The following TMOD3 variants were observed in gnomAD, a reference collection of about 807,000 sequenced individuals.
The protein encoded by TMOD3 is tropomodulin-3.
TMOD3 carries 20 observed loss-of-function variants against 39.2 expected under a neutral mutation model. The observed-to-expected ratio is 0.51, with a 90% confidence interval of 0.36 to 0.74. The LOEUF (loss-of-function observed/expected upper bound fraction) is 0.74, where lower values mean the gene tolerates loss of function less well. Among genes scored for constraint, TMOD3 ranks in the 30% least tolerant of loss-of-function variants. The pLI is 0.00. For missense variants in TMOD3, 381 were observed against 412.8 expected (o/e 0.92, Z 0.67); for synonymous variants, 143 against 145.8 (o/e 0.98, Z 0.14).
At chr15:51,861,023 C>A in intron 1 of TMOD3, 1 of 705,632 alleles carries the variant, frequency 1.4e-6, no homozygotes, top group South Asian at 1.4e-5. Context: ...CACCTTGTAC[C>A]TGGTGTACAA....
chr15:51,865,959 C>A (rs1256731308), intron 2 of TMOD3, among the ~76,000 whole-genome samples: 2 of 151,658 alleles, frequency 1.3e-5, no homozygotes, highest in African/African-American at 2.4e-5. Flanking sequence ...TTTTTCCCCC[C>A]CAAGGCTAGG....
chr15:51,833,950 T>C (rs1188384384), intron 1 of TMOD3, among the ~76,000 whole-genome samples: 5 of 152,250 alleles, frequency 3.3e-5, no homozygotes, highest in Non-Finnish European at 4.4e-5. Context: ...ATGTTTAGTA[T>C]TGTCAGCCTT....
At position 51,863,020 on chromosome 15, in the gene TMOD3, A is replaced by G. The variant is rs780304328; in HGVS notation, c.126+10A>G. 8 of 1,602,792 alleles carry G rather than the reference A, an allele frequency of 5.0e-6. No homozygotes were observed. The highest frequency in any genetic ancestry group is 2.2e-5 in the East Asian group (1 of 44,646). ...TGATCTTGACCCCGAGGTAGGTGCTAGGTGATGAAGAGAAATGAAATAACT... is the reference window on the plus strand; with the variant it reads ...TGATCTTGACCCCGAGGTAGGTGCTGGGTGATGAAGAGAAATGAAATAACT... On this transcript the variant is annotated intron_variant, in intron 2 of 9. Transcript: ENST00000308580.
At chr15:51,906,716 G>A (rs913573573) in intron 9 of TMOD3, among the ~76,000 whole-genome samples, 1 of 152,102 alleles carries the variant, frequency 6.6e-6, no homozygotes, top group Non-Finnish European at 1.5e-5. Context: ...TCGTTGAAAT[G>A]TTCTACCCTA....
intron 3 of TMOD3, among the ~76,000 whole-genome samples, chr15:51,870,759 A>T (rs2056470921): frequency 6.6e-6 from 1 of 152,146 alleles, no homozygotes; most frequent in African/African-American, 2.4e-5. Flanking sequence ...TTGTTATTTA[A>T]GTTAGTCAGG....
At chr15:51,855,579 C>G (rs1355987494) in intron 1 of TMOD3, among the ~76,000 whole-genome samples, 1 of 152,216 alleles carries the variant, frequency 6.6e-6, no homozygotes. Context: ...AAAACCAATT[C>G]CCATATTCTT....
At chr15:51,879,773 A>G (rs1040970984) in intron 3 of TMOD3, among the ~76,000 whole-genome samples, 2 of 151,958 alleles carry the variant, frequency 1.3e-5, no homozygotes, top group African/African-American at 4.8e-5. Flanking sequence ...AGGAACACTG[A>G]CAGAGATACT....
rs187160007 is a variant in TMOD3, at chr15:51,886,066, C to T, written c.284-1523C>T. ...GCGGAGGGGCTCCTCACTTCTCAGA[C>T]GGGGCGGCCGGGCAGAGACTCTCCT... On this transcript the variant is annotated intron_variant, in intron 3 of 9. Transcript: ENST00000308580. Among the ~76,000 whole-genome samples the T allele has an allele frequency of 7.9e-3, 1,169 of 147,396 alleles. 18 individuals are homozygous for T. The highest frequency in any genetic ancestry group is 0.028 in the African/African-American group (1,125 of 39,480).
intron 9 of TMOD3, among the ~76,000 whole-genome samples, chr15:51,902,644 ATTTTTTTTTTTTT>A (rs200954393): frequency 0.053 from 5,018 of 95,158 alleles, 404 homozygotes; most frequent in African/African-American, 0.2. Flanking sequence ...TAATTTTTGT[ATTTTTTTTTTTTT>A]TTTTTTTTTT....
chr15:51,901,966 T>G lies in TMOD3; in HGVS notation c.954T>G (p.Phe318Leu). The change falls in exon 9 of 10, where the codon TTT becomes TTG. Residue 318 changes from phenylalanine (F) to leucine (L), a missense_variant. Phe to Leu is a conservative substitution (Grantham distance 22). Coordinates refer to ENST00000308580, the MANE Select transcript of TMOD3 (RefSeq NM_014547.5). ...AGGAAAATACAAATATCCTTAAATT[T>G]GGATATCAGTTTACACAGCAGGGAC... ...MLEENTNILK[F>L]GYQFTQQGPR... The G allele has an allele frequency of 6.2e-7, 1 of 1,614,140 alleles. No individual in the cohort carries two copies.
rs2056696860 is a variant in TMOD3, at chr15:51,908,973, G to A, written c.*163G>A. ...GTTATCAAATTGTAAAATCAGTAATGTGATATTTTATATTCTGAAACATTT... is the reference window on the plus strand; with the variant it reads ...GTTATCAAATTGTAAAATCAGTAATATGATATTTTATATTCTGAAACATTT... On this transcript the variant is annotated 3_prime_UTR_variant, in exon 10 of 10. Coordinates refer to ENST00000308580, the MANE Select transcript of TMOD3 (RefSeq NM_014547.5). The A allele has an allele frequency of 6.7e-6, 3 of 445,662 alleles. No individual in the cohort carries two copies. Among genetic ancestry groups the A allele is most frequent in the African/African-American group, 2.0e-5 (1 of 49,242 alleles). 27.6% of individuals were successfully genotyped at this position (445,662 alleles called of 1,614,324 possible).
At chr15:51,856,146 C>T (rs2056386689) in intron 1 of TMOD3, among the ~76,000 whole-genome samples, 2 of 152,086 alleles carry the variant, frequency 1.3e-5, no homozygotes, top group Admixed American at 6.6e-5. Flanking sequence ...GCCTGCATTC[C>T]CAGCTACCTG....
At chr15:51,879,358 T>C (rs1235237887) in intron 3 of TMOD3, among the ~76,000 whole-genome samples, 4 of 152,066 alleles carry the variant, frequency 2.6e-5, no homozygotes, top group African/African-American at 2.4e-5. Flanking sequence ...CTGAGAGTTT[T>C]TTTTTTCTGA....
intron 1 of TMOD3, among the ~76,000 whole-genome samples, chr15:51,840,830 T>C (rs1467021907): frequency 6.6e-6 from 1 of 152,228 alleles, no homozygotes; most frequent in East Asian, 1.9e-4. Context: ...TCCCACACTT[T>C]TGTGTTTTGG....
chr15:51,841,395 T>G (rs1373479550), intron 1 of TMOD3, among the ~76,000 whole-genome samples: 1 of 152,206 alleles, frequency 6.6e-6, no homozygotes, highest in African/African-American at 2.4e-5. Context: ...GAACTCCTGT[T>G]TTGGGTCCTT....
intron 3 of TMOD3, among the ~76,000 whole-genome samples, chr15:51,881,764 A>G (rs2056536081): frequency 6.6e-6 from 1 of 151,288 alleles, no homozygotes; most frequent in Admixed American, 6.6e-5. Flanking sequence ...GGGTTTCTCC[A>G]TGTTGGTCAG....
At chr15:51,898,332 CCTT>C (rs2056631764) in intron 7 of TMOD3, among the ~76,000 whole-genome samples, 2 of 152,216 alleles carry the variant, frequency 1.3e-5, no homozygotes, top group Non-Finnish European at 2.9e-5. Context: ...TCAAATGTCA[CCTT>C]CTAGTTGAGG....
intron 1 of TMOD3, among the ~76,000 whole-genome samples, chr15:51,847,664 A>G (rs942342165): frequency 6.6e-6 from 1 of 152,224 alleles, no homozygotes; most frequent in African/African-American, 2.4e-5. Flanking sequence ...CACGTTTATA[A>G]TTCCAGCACT....
intron 3 of TMOD3, 48 bp downstream of exon 3, chr15:51,869,421 C>G (rs190975586): frequency 4.3e-5 from 68 of 1,573,100 alleles, no homozygotes; most frequent in Non-Finnish European, 2.9e-5. Flanking sequence ...CTTGATTTTT[C>G]TTTTTATAGG....
Sources: allele counts gnomAD v4.1 joint callset (sites outside exome capture counted in the v4.1 genomes callset), GRCh38; gene constraint gnomAD v4.1.1; transcripts MANE v1.5; gene names NCBI Gene and HGNC (gene_info 2026-07-23, HGNC 2026-07-21).